CD96: variants seen among roughly 807,000 people sequenced by gnomAD.
CD96 encodes the protein CD96 molecule.
Under a neutral mutation model 71.3 loss-of-function variants are expected in CD96, and 70 were observed. The ratio of observed to expected loss-of-function variants is 0.98; its 90% CI spans 0.81 to 1.20. The LOEUF is 1.20. CD96 is among the 50% of genes most tolerant of loss of function. The probability of loss-of-function intolerance (pLI) is 0.00; values close to 1 mark genes in which losing one functional copy is unlikely to be tolerated. For missense variants in CD96, 742 were observed against 677.5 expected (o/e 1.10, Z -1.06); for synonymous variants, 248 against 233.0 (o/e 1.06, Z -0.59).
At chr3:111,663,046 A>G (rs1330787156) in intron 14 of CD96, among the ~76,000 whole-genome samples, 1 of 152,236 alleles carries the variant, frequency 6.6e-6, no homozygotes, top group Non-Finnish European at 1.5e-5. Flanking sequence ...CAGGCTATAC[A>G]GGAAGCATGG....
At chr3:111,605,191 T>C (rs1338068512) in intron 7 of CD96, among the ~76,000 whole-genome samples, 1 of 152,186 alleles carries the variant, frequency 6.6e-6, no homozygotes, top group Non-Finnish European at 1.5e-5. Flanking sequence ...GTGACTTCCC[T>C]TGAGGGGCAT....
Position 111,606,784 on chromosome 3 carries a change from C to A in CD96, c.1172C>A (p.Ser391Tyr). 1.3e-6 allele frequency: 2 copies of A among 1,556,712 alleles called. No homozygotes were observed. Among genetic ancestry groups the A allele is most frequent in the Non-Finnish European group, 1.8e-6 (2 of 1,127,640 alleles). Residue 391 changes from serine to tyrosine, a missense_variant, in exon 8 of 14, where the codon TCT becomes TAT. Transcript: ENST00000352690. ...DTQPSPASSV[S>Y]PARYPATSSV... is the part of the protein sequence containing the mutation. ...CAACCTTCTCCAGCCAGCAGTGTAT[C>A]TCCTGCAAGTAAGAATGTTTTCACA...
chr3:111,604,296 C>T (rs1037388982), intron 7 of CD96, among the ~76,000 whole-genome samples: 2 of 152,122 alleles, frequency 1.3e-5, no homozygotes, highest in Non-Finnish European at 2.9e-5. Context: ...TGGCTTTAGG[C>T]GGCAGCTTAC....
chr3:111,579,428 T>C (rs191984177), intron 4 of CD96, 194 bp downstream of exon 4: 3 of 666,262 alleles, frequency 4.5e-6, no homozygotes, highest in Admixed American at 4.2e-5. Context: ...GATGATTCTG[T>C]TAACAGAATA....
intron 7 of CD96, among the ~76,000 whole-genome samples, chr3:111,602,259 G>A (rs1238523313): frequency 6.6e-6 from 1 of 152,158 alleles, no homozygotes; most frequent in Non-Finnish European, 1.5e-5. Flanking sequence ...ATTATAGGTA[G>A]AACCATGTCT....
rs1048080565 is a variant in CD96 at position 111,665,278 on chromosome 3, CA to C, written c.*53-244del. Among the ~76,000 whole-genome samples, 32 of 151,976 alleles carry C rather than the reference CA, an allele frequency of 2.1e-4. 1 individual carries two copies. Among genetic ancestry groups the C allele is most frequent in the African/African-American group, 7.0e-4 (29 of 41,444 alleles). On this transcript the variant is annotated intron_variant and NMD_transcript_variant, in intron 14 of 14. Transcript: ENST00000494798. ...ATTATTTCCAAGTAGAAAGTTTAAA[CA>C]AAAAGTACTTGAGCAAGACCCTAAT...
chr3:111,661,769 T>G (rs1371724367), intron 14 of CD96, among the ~76,000 whole-genome samples: 1 of 152,244 alleles, frequency 6.6e-6, no homozygotes, highest in African/African-American at 2.4e-5. Flanking sequence ...TACAGTCCTC[T>G]TGGCTGCTTT....
At chr3:111,613,654 T>C (rs1251081023) in intron 8 of CD96, among the ~76,000 whole-genome samples, 1 of 152,244 alleles carries the variant, frequency 6.6e-6, no homozygotes, top group African/African-American at 2.4e-5. Flanking sequence ...GCAGGTGAAT[T>C]GATGGAGAGC....
chr3:111,599,719 C>T (rs1044428317), intron 6 of CD96, among the ~76,000 whole-genome samples: 7 of 150,492 alleles, frequency 4.7e-5, no homozygotes, highest in African/African-American at 1.7e-4. Context: ...GAAACCCTAT[C>T]TCAAAAAAAA....
chr3:111,545,910 A>C (rs904666604), intron 2 of CD96, among the ~76,000 whole-genome samples: 2 of 152,150 alleles, frequency 1.3e-5, no homozygotes, highest in Non-Finnish European at 2.9e-5. Flanking sequence ...AAAGGTTTCT[A>C]TTTTGATCTC....
At chr3:111,598,951 G>C (rs1040602779) in intron 6 of CD96, among the ~76,000 whole-genome samples, 1 of 150,236 alleles carries the variant, frequency 6.7e-6, no homozygotes, top group Non-Finnish European at 1.5e-5. Context: ...AACTCTTTCT[G>C]AATTATTTTT....
chr3:111,612,107 A>G (rs73852837), intron 8 of CD96, among the ~76,000 whole-genome samples: 8,854 of 152,310 alleles, frequency 0.058, 655 homozygotes, highest in East Asian at 0.23. Context: ...AATAGCCACT[A>G]TGGCTTTTTT....
At chr3:111,605,370 T>C (rs1267688441) in intron 7 of CD96, among the ~76,000 whole-genome samples, 1 of 152,128 alleles carries the variant, frequency 6.6e-6, no homozygotes, top group African/African-American at 2.4e-5. Flanking sequence ...GAGAGAATAT[T>C]GTGTTTCAGA....
At chr3:111,657,505 G>A (rs1015457102) in intron 14 of CD96, among the ~76,000 whole-genome samples, 44 of 152,016 alleles carry the variant, frequency 2.9e-4, no homozygotes, top group Admixed American at 2.9e-3. Flanking sequence ...GGGTGGGGTG[G>A]GGGTGGTGGG....
At chr3:111,641,719 C>T (rs1239547392) in intron 12 of CD96, among the ~76,000 whole-genome samples, 1 of 152,200 alleles carries the variant, frequency 6.6e-6, no homozygotes, top group African/African-American at 2.4e-5. Flanking sequence ...GTGCATGGAA[C>T]TTTCTCCAAG....
At chr3:111,567,051 A>G (rs1935747736) in intron 2 of CD96, among the ~76,000 whole-genome samples, 1 of 151,544 alleles carries the variant, frequency 6.6e-6, no homozygotes, top group Non-Finnish European at 1.5e-5. Context: ...GGATGTCCAC[A>G]GTGGGGGAGG....
At chr3:111,587,781 C>G (rs1936785351) in intron 5 of CD96, among the ~76,000 whole-genome samples, 1 of 152,192 alleles carries the variant, frequency 6.6e-6, no homozygotes, top group Admixed American at 6.5e-5. Flanking sequence ...CACGTGGAAG[C>G]TTCCAAGGCT....
At chr3:111,647,461 C>A in intron 12 of CD96, 82 bp from the exon 13 acceptor site, 1 of 1,257,950 alleles carries the variant, frequency 7.9e-7, no homozygotes, top group Non-Finnish European at 1.2e-6. Flanking sequence ...AAATATGTTT[C>A]ACGTAGGAAA....
intron 4 of CD96, among the ~76,000 whole-genome samples, chr3:111,584,369 C>T (rs909110687): frequency 5.3e-5 from 8 of 152,296 alleles, no homozygotes; most frequent in Middle Eastern, 3.4e-3. Flanking sequence ...TCTTCTGAGC[C>T]CTCCAAACTG....
Sources: gnomAD v4.1 joint callset for allele counts (sites outside exome capture counted in the v4.1 genomes callset) on GRCh38, gnomAD v4.1.1 for gene constraint, MANE v1.5 for transcripts, NCBI Gene and HGNC (gene_info 2026-07-23, HGNC 2026-07-21) for gene names.